The following OPCML variants were observed in gnomAD, a reference collection of about 807,000 sequenced individuals.
The protein encoded by OPCML is opioid-binding protein/cell adhesion molecule.
OPCML carries 13 observed loss-of-function variants against 37.8 expected under a neutral mutation model. That is an observed-to-expected ratio of 0.34 (90% CI 0.22 to 0.55). OPCML has a LOEUF of 0.55. OPCML is among the 20% of genes least tolerant of loss of function. OPCML has a pLI of 0.91. For missense variants in OPCML, 341 were observed against 435.6 expected (o/e 0.78, Z 1.93); for synonymous variants, 176 against 168.8 (o/e 1.04, Z -0.33).
At chr11:132,459,353 T>C (rs2096092852) in intron 4 of OPCML, among the ~76,000 whole-genome samples, 1 of 151,836 alleles carries the variant, frequency 6.6e-6, no homozygotes, top group Non-Finnish European at 1.5e-5. Flanking sequence ...TTGGGACTTC[T>C]CAGCCTCCGT....
Position 133,376,805 on chromosome 11 carries a change from T to G in OPCML, c.61+155459A>C, listed in dbSNP as rs78729500. Among the ~76,000 whole-genome samples, 71 of 152,230 alleles carry G rather than the reference T, an allele frequency of 4.7e-4. No individual in the cohort carries two copies. The East Asian group carries it at 0.013, about 27-fold the overall frequency. ...TGCAATGAAACTAGCTTATGCAAAA[T>G]AGCAATAATAATAACAATCTGTTCA... On this transcript the variant is annotated intron_variant, in intron 1 of 7. Transcript: ENST00000524381.
At chr11:132,813,583 C>A (rs1399493633) in intron 2 of OPCML, among the ~76,000 whole-genome samples, 1 of 152,180 alleles carries the variant, frequency 6.6e-6, no homozygotes, top group African/African-American at 2.4e-5. Context: ...TCACTCTTAG[C>A]TGACTTCTAT....
At chr11:133,055,816 A>T (rs1400259741) in intron 1 of OPCML, among the ~76,000 whole-genome samples, 2 of 150,696 alleles carry the variant, frequency 1.3e-5, no homozygotes, top group Non-Finnish European at 3.0e-5. Context: ...GATACTTCCA[A>T]GTGGTGAGAC....
At chr11:133,423,032 C>A (rs1945924390) in intron 1 of OPCML, 1 of 985,264 alleles carries the variant, frequency 1.0e-6, no homozygotes. Context: ...ATCCAAGGAA[C>A]CTCTACTGTT....
chr11:133,126,701 T>C (rs550162378), intron 1 of OPCML, among the ~76,000 whole-genome samples: 1 of 152,294 alleles, frequency 6.6e-6, no homozygotes, highest in East Asian at 1.9e-4. Context: ...TTCAAGTCCA[T>C]ATTTTAAAAT....
At chr11:133,494,586 C>T (rs7125838) in intron 1 of OPCML, among the ~76,000 whole-genome samples, 43,370 of 137,052 alleles carry the variant, frequency 0.32, 8,489 homozygotes, top group African/African-American at 0.55. Context: ...ATGGATGAAG[C>T]TGGAAACCAT....
At chr11:133,105,956 TG>T (rs1224821019) in intron 1 of OPCML, among the ~76,000 whole-genome samples, 3 of 151,292 alleles carry the variant, frequency 2.0e-5, no homozygotes, top group African/African-American at 7.3e-5. Context: ...CACTCCAGCC[TG>T]GGCGACAGAG....
intron 2 of OPCML, among the ~76,000 whole-genome samples, chr11:132,707,269 T>C (rs747676329): frequency 3.3e-5 from 5 of 152,056 alleles, no homozygotes; most frequent in Non-Finnish European, 4.4e-5. Context: ...CAAGGCCCAA[T>C]AGAATGCCAG....
At chr11:132,963,424 G>A (rs1042995085) in intron 1 of OPCML, among the ~76,000 whole-genome samples, 11 of 151,732 alleles carry the variant, frequency 7.2e-5, no homozygotes, top group African/African-American at 2.7e-4. Flanking sequence ...ACCCCGTCTC[G>A]ACTAAAAAAT....
At chr11:133,056,938 G>A (rs756146804) in intron 1 of OPCML, among the ~76,000 whole-genome samples, 16 of 152,154 alleles carry the variant, frequency 1.1e-4, no homozygotes, top group Non-Finnish European at 2.1e-4. Flanking sequence ...CCGCCTTCCG[G>A]GTTCAAGTGA....
chr11:132,649,921 G>A lies in OPCML; in HGVS notation c.379+7166C>T, dbSNP rs190890160. Among the ~76,000 whole-genome samples the A allele has an allele frequency of 8.5e-3, 1,270 of 148,694 alleles. 11 individuals are homozygous for A. The highest frequency in any genetic ancestry group is 0.044 in the Middle Eastern group (13 of 294). ...CTCACGAATGCCCTCACACATACACGCACTGTTACACACACACACACACAC... is the reference window on the plus strand; with the variant it reads ...CTCACGAATGCCCTCACACATACACACACTGTTACACACACACACACACAC... On this transcript the variant is annotated intron_variant, in intron 3 of 7. Transcript: ENST00000524381.
At chr11:133,407,858 A>G (rs1244731355) in intron 1 of OPCML, among the ~76,000 whole-genome samples, 1 of 152,194 alleles carries the variant, frequency 6.6e-6, no homozygotes, top group Non-Finnish European at 1.5e-5. Flanking sequence ...CAAGGGAGTC[A>G]GGTCCCTGGT....
intron 2 of OPCML, among the ~76,000 whole-genome samples, chr11:132,736,496 G>C (rs181137641): frequency 5.3e-5 from 8 of 152,328 alleles, no homozygotes; most frequent in Non-Finnish European, 1.2e-4. Flanking sequence ...CCTCCTGGCA[G>C]TTATGCCCCA....
intron 3 of OPCML, among the ~76,000 whole-genome samples, chr11:132,637,035 C>A (rs934275999): frequency 6.6e-6 from 1 of 152,144 alleles, no homozygotes; most frequent in Admixed American, 6.5e-5. Context: ...ACGCCATCAA[C>A]TAGCCAAGCA....
chr11:133,359,550 C>CCCTTATTTGA (rs139693148), intron 1 of OPCML, among the ~76,000 whole-genome samples: 4,907 of 152,220 alleles, frequency 0.032, 181 homozygotes, highest in African/African-American at 0.093. Context: ...TCACCAAAGT[C>CCCTTATTTGA]CCCACCCTTA....
At chr11:133,242,972 A>G (rs1350826168) in intron 1 of OPCML, among the ~76,000 whole-genome samples, 2 of 152,238 alleles carry the variant, frequency 1.3e-5, no homozygotes, top group Non-Finnish European at 2.9e-5. Context: ...TACAATGAAA[A>G]CAAATGTTAC....
chr11:133,437,166 C>T (rs1269224427), intron 1 of OPCML, among the ~76,000 whole-genome samples: 1 of 152,154 alleles, frequency 6.6e-6, no homozygotes, highest in Non-Finnish European at 1.5e-5. Context: ...GATGATGTTG[C>T]CTAATGATCA....
intron 1 of OPCML, among the ~76,000 whole-genome samples, chr11:133,263,842 A>G (rs1243914259): frequency 1.3e-5 from 2 of 152,186 alleles, no homozygotes; most frequent in Non-Finnish European, 2.9e-5. Context: ...AAAATCTGCC[A>G]TGTATTTTTC....
At chr11:133,249,926 G>T (rs1439595539) in intron 1 of OPCML, among the ~76,000 whole-genome samples, 1 of 152,194 alleles carries the variant, frequency 6.6e-6, no homozygotes, top group East Asian at 1.9e-4. Flanking sequence ...CTAGACCAGG[G>T]CTTAAGCCAA....
Sources: gnomAD v4.1 joint callset for allele counts (sites outside exome capture counted in the v4.1 genomes callset) on GRCh38, gnomAD v4.1.1 for gene constraint, MANE v1.5 for transcripts, NCBI Gene and HGNC (gene_info 2026-07-23, HGNC 2026-07-21) for gene names.